Variants in CFAP54 observed in about 807,000 individuals in gnomAD.
The protein encoded by CFAP54 is cilia- and flagella-associated protein 54.
In CFAP54, 290 loss-of-function variants were observed where a neutral mutation model predicts 370.4. The observed-to-expected ratio is 0.78, with a 90% CI of 0.71 to 0.86. The LOEUF is 0.86. CFAP54 is among the 40% of genes least tolerant of loss of function. The pLI is 0.00. For missense variants in CFAP54, 3,399 were observed against 3,528.7 expected (o/e 0.96, Z 0.93); for synonymous variants, 1,206 against 1,236.5 (o/e 0.98, Z 0.52).
At position 96,663,840 on chromosome 12, in the gene CFAP54, G is replaced by A. The variant is rs558062906; in HGVS notation, c.5471G>A (p.Arg1824Gln). Residue 1824 changes from arginine to glutamine, a missense_variant, in exon 39 of 68, where the codon CGA becomes CAA. Arg to Gln is a conservative substitution (Grantham distance 43). This residue lies in a region of CFAP54 where 2,796 missense variants were observed against 2,869.7 expected (regional missense o/e 0.97). Coordinates refer to ENST00000524981, the MANE Select transcript of CFAP54 (RefSeq NM_001306084.2). Reference sequence around the variant, plus strand: ...CCTTTCTTTTTAAAGATAACTTGCCGAAATTTCATTGGGAAGCAGCTTAAG... The same window carrying A: ...CCTTTCTTTTTAAAGATAACTTGCCAAAATTTCATTGGGAAGCAGCTTAAG... The part of the protein sequence containing the change: ...EAEYGEKITC[R>Q]NFIGKQLKIN... The A allele has an allele frequency of 1.1e-5, 17 of 1,611,580 alleles. 1 individual carries two copies. The highest frequency in any genetic ancestry group is 8.9e-5 in the East Asian group (4 of 44,756).
intron 50 of CFAP54, among the ~76,000 whole-genome samples, chr12:96,737,159 T>A (rs918566006): frequency 2.0e-5 from 3 of 152,156 alleles, no homozygotes; most frequent in African/African-American, 7.2e-5. Context: ...ATCTGAAAAT[T>A]TGAAATCTGA....
intron 39 of CFAP54, among the ~76,000 whole-genome samples, chr12:96,676,476 TG>T (rs1957210457): frequency 2.0e-5 from 3 of 152,016 alleles, no homozygotes; most frequent in African/African-American, 7.2e-5. Context: ...TCTTAGGAGG[TG>T]GGTCCTTTGG....
chr12:96,576,095 T>G (rs1441994351), intron 19 of CFAP54, among the ~76,000 whole-genome samples: 3 of 152,020 alleles, frequency 2.0e-5, no homozygotes, highest in African/African-American at 4.8e-5. Context: ...CAGAATATGG[T>G]TTTTCTATTT....
At chr12:96,634,247 G>T (rs1372088833) in intron 32 of CFAP54, among the ~76,000 whole-genome samples, 1 of 151,284 alleles carries the variant, frequency 6.6e-6, no homozygotes, top group Non-Finnish European at 1.5e-5. Flanking sequence ...GTAGAGACGG[G>T]GTTTCACTAT....
At chr12:96,731,659 T>A (rs920852429) in intron 50 of CFAP54, among the ~76,000 whole-genome samples, 2 of 152,168 alleles carry the variant, frequency 1.3e-5, no homozygotes, top group African/African-American at 4.8e-5. Context: ...TCCTGTCAGA[T>A]TGGTAGAAAT....
chr12:96,518,913 C>G lies in CFAP54; in HGVS notation c.799-15C>G, dbSNP rs1040081423. On this transcript the variant is annotated splice_polypyrimidine_tract_variant and intron_variant, in intron 5 of 67. Coordinates refer to ENST00000524981, the MANE Select transcript of CFAP54 (RefSeq NM_001306084.2). ...TCAAATGAAAACAAATCCAATGGTG[C>G]CCTTTATTTTGCAGGCCTTAGAGTA... The G allele has an allele frequency of 5.3e-6, 8 of 1,510,302 alleles. No individual in the cohort carries two copies. The African/African-American group carries it at 5.5e-5, about 10-fold the overall frequency. The allele number at this position is 1,510,302 out of a possible 1,614,324, so 93.6% of individuals were successfully genotyped here.
At chr12:96,634,044 A>ATGTTTTTTTTTTTTTT (rs1238845346) in intron 32 of CFAP54, among the ~76,000 whole-genome samples, 1 of 85,360 alleles carries the variant, frequency 1.2e-5, no homozygotes, top group Non-Finnish European at 2.7e-5. Context: ...GATAGCGAAC[A>ATGTTTTTTTTTTTTTT]TCTTTTTTTT....
chr12:96,534,883 G>A (rs887788116), intron 11 of CFAP54, among the ~76,000 whole-genome samples: 1 of 151,820 alleles, frequency 6.6e-6, no homozygotes, highest in African/African-American at 2.4e-5. Flanking sequence ...CATATTTTAT[G>A]TGCACTTTAA....
rs78301597 is a variant in CFAP54, at chr12:96,536,987, A to ACAATTCAATT, written c.1792-1377_1792-1368dup. Among the ~76,000 whole-genome samples, 1,029 of 147,512 alleles carry ACAATTCAATT rather than the reference A, an allele frequency of 7.0e-3. 11 individuals are homozygous for ACAATTCAATT. The highest frequency in any genetic ancestry group is 0.02 in the African/African-American group (746 of 37,958). On this transcript the variant is annotated intron_variant, in intron 12 of 67. Coordinates refer to ENST00000524981, the MANE Select transcript of CFAP54 (RefSeq NM_001306084.2). ...TTAGTTCAATTCAATTCAATTCAAT[A>ACAATTCAATT]CAATTCAATTCAATTCAATTCAATT...
intron 6 of CFAP54, 150 bp downstream of exon 6, chr12:96,519,221 C>T (rs1955275744): frequency 1.3e-5 from 9 of 717,064 alleles, no homozygotes; most frequent in Non-Finnish European, 1.9e-5. Flanking sequence ...GCCTCAGCCT[C>T]CTGGGTAGCT....
intron 57 of CFAP54, among the ~76,000 whole-genome samples, chr12:96,756,897 TG>T (rs57290424): frequency 0.36 from 54,799 of 151,816 alleles, 10,733 homozygotes; most frequent in East Asian, 0.58. Context: ...TTCGTGTGGC[TG>T]TGAATTCACT....
At chr12:96,778,529 T>A (rs577191483) in intron 60 of CFAP54, among the ~76,000 whole-genome samples, 1 of 152,332 alleles carries the variant, frequency 6.6e-6, no homozygotes, top group South Asian at 2.1e-4. Context: ...GAGATTTACA[T>A]CTTAGTAGCA....
At chr12:96,573,496 G>T (rs1449594157) in intron 19 of CFAP54, among the ~76,000 whole-genome samples, 3 of 152,112 alleles carry the variant, frequency 2.0e-5, no homozygotes, top group Non-Finnish European at 4.4e-5. Context: ...AAGCTGCTCT[G>T]TTGTCTATGG....
chr12:96,552,184 T>A (rs1219746653), intron 15 of CFAP54, among the ~76,000 whole-genome samples: 2 of 143,724 alleles, frequency 1.4e-5, no homozygotes, highest in East Asian at 4.2e-4. Flanking sequence ...AGGCAGAGGT[T>A]GCAGTGAGCT....
intron 14 of CFAP54, among the ~76,000 whole-genome samples, 163 bp downstream of exon 14, chr12:96,541,150 G>A (rs768140560): frequency 1.3e-5 from 2 of 152,116 alleles, no homozygotes; most frequent in Admixed American, 6.6e-5. Flanking sequence ...TCATCAAGTG[G>A]ATGTTAAGGT....
At chr12:96,626,545 A>G (rs1303711402) in intron 29 of CFAP54, among the ~76,000 whole-genome samples, 2 of 152,206 alleles carry the variant, frequency 1.3e-5, no homozygotes, top group Non-Finnish European at 2.9e-5. Flanking sequence ...CCAGTTAGTC[A>G]TACATTAGAA....
At chr12:96,592,272 A>C (rs892350318) in intron 23 of CFAP54, among the ~76,000 whole-genome samples, 20 of 152,200 alleles carry the variant, frequency 1.3e-4, no homozygotes, top group African/African-American at 4.8e-4. Context: ...TAGAACCCCC[A>C]AAATTGCCAC....
intron 66 of CFAP54, among the ~76,000 whole-genome samples, chr12:96,847,167 A>G (rs1436876298): frequency 6.6e-6 from 1 of 152,166 alleles, no homozygotes; most frequent in African/African-American, 2.4e-5. Context: ...GGATACAGGA[A>G]CCCCAGATAA....
chr12:96,597,334 T>C (rs1406703641), intron 25 of CFAP54, among the ~76,000 whole-genome samples: 1 of 152,042 alleles, frequency 6.6e-6, no homozygotes, highest in Non-Finnish European at 1.5e-5. Context: ...CACAGTGTTA[T>C]GTACTGTCAT....
Sources: allele counts gnomAD v4.1 joint callset (sites outside exome capture counted in the v4.1 genomes callset), GRCh38; gene constraint gnomAD v4.1.1; regional missense constraint gnomAD v4.1.1; transcripts MANE v1.5; gene names NCBI Gene and HGNC (gene_info 2026-07-23, HGNC 2026-07-21).